CLCC1: variants seen among roughly 807,000 people sequenced by gnomAD.
The protein encoded by CLCC1 is chloride channel CLIC like 1.
A neutral mutation model predicts 63.3 loss-of-function variants in CLCC1; 39 were observed. That is an observed-to-expected ratio of 0.62 (90% CI 0.48 to 0.81). The LOEUF (loss-of-function observed/expected upper bound fraction) is 0.81. Among genes scored for constraint, CLCC1 ranks in the 30% least tolerant of loss-of-function variants. The pLI is 0.00. For missense variants in CLCC1, 549 were observed against 669.4 expected, an observed-to-expected ratio of 0.82 and a Z score of 1.98; for synonymous variants, 217 against 239.8, an observed-to-expected ratio of 0.90 and a Z score of 0.88.
intron 2 of CLCC1, among the ~76,000 whole-genome samples, chr1:108,957,628 A>G (rs1353181106): frequency 6.6e-6 from 1 of 151,584 alleles, no homozygotes; most frequent in Non-Finnish European, 1.5e-5. Flanking sequence ...GTCGGTAAGG[A>G]CAAGTGAAGA....
chr1:108,955,063 T>C (rs1024720745), intron 2 of CLCC1, among the ~76,000 whole-genome samples: 1 of 150,884 alleles, frequency 6.6e-6, no homozygotes, highest in African/African-American at 2.5e-5. Flanking sequence ...CATGTTGGTC[T>C]TGAACTCCCG....
intron 5 of CLCC1, among the ~76,000 whole-genome samples, chr1:108,945,664 GAC>G (rs1352285358): frequency 1.3e-5 from 2 of 152,166 alleles, no homozygotes; most frequent in African/African-American, 2.4e-5. Context: ...TTCATTTCCT[GAC>G]AGTTTTCAGA....
At position 108,962,463 on chromosome 1, in the gene CLCC1, A is replaced by C. The variant is rs541214575; in HGVS notation, c.-166T>G. 3 of 152,196 alleles carry C rather than the reference A, an allele frequency of 2.0e-5. No homozygotes were observed. The highest frequency in any genetic ancestry group is 6.5e-5 in the Admixed American group (1 of 15,280). The allele number at this position is 152,196 out of a possible 1,614,324, so 9.4% of individuals were successfully genotyped here. The stretch of plus-strand genomic sequence containing the variant: ...TTAACAATTTCCCAGATGACGATAA[A>C]GCTAGTCTGGGAAGAACACTTCATA... On this transcript the variant is annotated 5_prime_UTR_variant, in exon 2 of 13. Transcript: ENST00000369969.
intron 5 of CLCC1, among the ~76,000 whole-genome samples, chr1:108,945,307 T>C (rs1229752680): frequency 1.3e-5 from 2 of 152,136 alleles, no homozygotes; most frequent in African/African-American, 4.8e-5. Context: ...ATGATGCTGT[T>C]TAATGATTGG....
At chr1:108,954,625 G>C (rs1203791094) in intron 2 of CLCC1, among the ~76,000 whole-genome samples, 1 of 151,224 alleles carries the variant, frequency 6.6e-6, no homozygotes, top group African/African-American at 2.5e-5. Flanking sequence ...AAGAGTGGTG[G>C]CAAGAAAACC....
chr1:108,936,085 G>GTTTTTTTTTTTTTT (rs530980387), intron 11 of CLCC1, among the ~76,000 whole-genome samples: 1 of 88,108 alleles, frequency 1.1e-5, no homozygotes, highest in Admixed American at 1.5e-4. Context: ...ATCTTAAGTT[G>GTTTTTTTTTTTTTT]TTTTTTTTTT....
In CLCC1 at chr1:108,929,942, T is replaced by A; in HGVS notation, c.*2605A>T. 6.2e-7 allele frequency: 1 copy of A among 1,611,888 alleles called. No individual in the cohort carries two copies. Among genetic ancestry groups the A allele is most frequent in the Non-Finnish European group, 8.5e-7 (1 of 1,178,294 alleles). On this transcript the variant is annotated 3_prime_UTR_variant, in exon 13 of 13. Transcript: ENST00000369969. ...GGGAAAAAATCGGCAGACCATTAGT[T>A]ACTATGGATTTATTTTTTTTCCTTT... is the stretch of plus-strand genomic sequence containing the variant.
At chr1:108,953,226 A>G (rs752703903) in intron 2 of CLCC1, among the ~76,000 whole-genome samples, 1 of 152,230 alleles carries the variant, frequency 6.6e-6, no homozygotes. Flanking sequence ...AAATCACTCT[A>G]GGCTAAATTA....
chr1:108,931,726 G>GT lies in CLCC1; in HGVS notation c.*820dup, dbSNP rs1553218915. ...CCTGGATAGCATTTTAAAAACTCAG[G>GT]TAAGTTTCATGGGGTTCTTATAAGA... On this transcript the variant is annotated 3_prime_UTR_variant, in exon 13 of 13. Coordinates refer to ENST00000369969, the MANE Select transcript of CLCC1 (RefSeq NM_001377458.1). 2.9e-5 allele frequency: 11 copies of GT among 384,676 alleles called. No individual in the cohort carries two copies. The highest frequency in any genetic ancestry group is 4.5e-5 in the Non-Finnish European group (11 of 242,682). The allele number at this position is 384,676 out of a possible 1,614,324, so 23.8% of individuals were successfully genotyped here. A position where few individuals can be genotyped will look rare whatever the true frequency, so the allele number is the denominator to read the frequency against.
At chr1:108,934,983 G>C (rs536208791) in intron 11 of CLCC1, 41 bp from the exon 12 acceptor site, 3 of 1,536,578 alleles carry the variant, frequency 2.0e-6, no homozygotes, top group East Asian at 2.3e-5. Flanking sequence ...TTAATGTAAT[G>C]TGAAGTCTTA....
chr1:108,941,649 A>G, intron 7 of CLCC1, 151 bp from the exon 8 acceptor site: 1 of 465,432 alleles, frequency 2.1e-6, no homozygotes, highest in Non-Finnish European at 3.7e-6. Flanking sequence ...TATTATTATT[A>G]CTATTTTTTC....
rs1274318748 is a variant in CLCC1 at position 108,929,561 on chromosome 1, T to C, written c.*2986A>G. On this transcript the variant is annotated 3_prime_UTR_variant, in exon 13 of 13. Transcript: ENST00000369969. Reference sequence around the variant, plus strand: ...TCAGGCTGGGAACTAAAGAGAACAATATAAAAACAAAGATTAATTTCTGAG... The same window carrying C: ...TCAGGCTGGGAACTAAAGAGAACAACATAAAAACAAAGATTAATTTCTGAG... 9 of 740,184 alleles carry C rather than the reference T, an allele frequency of 1.2e-5. No homozygotes were observed. The East Asian group carries it at 1.9e-4, about 15-fold the overall frequency. The allele number at this position is 740,184 out of a possible 1,614,324, so 45.9% of individuals were successfully genotyped here.
chr1:108,952,120 T>G (rs1655258318), intron 2 of CLCC1, among the ~76,000 whole-genome samples: 1 of 151,568 alleles, frequency 6.6e-6, no homozygotes, highest in South Asian at 2.1e-4. Flanking sequence ...GTATGTGATT[T>G]ATAGCTCAAT....
chr1:108,935,495 G>A (rs1652770337), intron 11 of CLCC1, among the ~76,000 whole-genome samples: 1 of 152,194 alleles, frequency 6.6e-6, no homozygotes, highest in Non-Finnish European at 1.5e-5. Context: ...GGTTAGGCAT[G>A]GTGGCTCACA....
At chr1:108,955,242 AAAAAAC>A (rs913859718) in intron 2 of CLCC1, among the ~76,000 whole-genome samples, 151 of 151,592 alleles carry the variant, frequency 1.0e-3, no homozygotes, top group Non-Finnish European at 4.3e-4. Context: ...TAAGTTGGCA[AAAAAAC>A]AAAAACAAAA....
chr1:108,931,608 A>G lies in CLCC1; in HGVS notation c.*939T>C, dbSNP rs1651986227. On this transcript the variant is annotated 3_prime_UTR_variant, in exon 13 of 13. Coordinates refer to ENST00000369969, the MANE Select transcript of CLCC1 (RefSeq NM_001377458.1). ...TTTTTAAGAGTCATAACCTGGAATT[A>G]ATTACATTAAGTGCTCAGCTAAAAA... The G allele has an allele frequency of 7.8e-7, 1 of 1,286,376 alleles. No homozygotes were observed. 79.7% of individuals were successfully genotyped at this position (1,286,376 alleles called of 1,614,324 possible). A position where few individuals can be genotyped will look rare whatever the true frequency, so the allele number is the denominator to read the frequency against.
intron 5 of CLCC1, among the ~76,000 whole-genome samples, chr1:108,946,100 G>A (rs972640806): frequency 6.6e-6 from 1 of 152,174 alleles, no homozygotes; most frequent in African/African-American, 2.4e-5. Context: ...CACGAGGTCA[G>A]GAGATCAAGA....
At chr1:108,937,026 A>G in intron 11 of CLCC1, 51 bp downstream of exon 11, 1 of 1,322,188 alleles carries the variant, frequency 7.6e-7, no homozygotes, top group Non-Finnish European at 1.0e-6. Flanking sequence ...TTCCAGAAGG[A>G]TTTAGAACCA....
rs768201342 is a variant in CLCC1, at chr1:108,950,455, C to T, written c.-11-7G>A. Reference sequence around the variant, plus strand: ...CACAGCATCCTGTATAAGGCTAAAACAATTTTTAATATATATAATGAAATA... The same window carrying T: ...CACAGCATCCTGTATAAGGCTAAAATAATTTTTAATATATATAATGAAATA... On this transcript the variant is annotated splice_region_variant and splice_polypyrimidine_tract_variant and intron_variant, in intron 2 of 12. Coordinates refer to ENST00000369969, the MANE Select transcript of CLCC1 (RefSeq NM_001377458.1). 5.3e-6 allele frequency: 8 copies of T among 1,499,404 alleles called. No individual in the cohort carries two copies. The South Asian group carries it at 5.6e-5, about 10-fold the overall frequency. The allele number at this position is 1,499,404 out of a possible 1,614,324, so 92.9% of individuals were successfully genotyped here.
Sources: gnomAD v4.1 joint callset for allele counts (sites outside exome capture counted in the v4.1 genomes callset) on GRCh38, gnomAD v4.1.1 for gene constraint, MANE v1.5 for transcripts, NCBI Gene and HGNC (gene_info 2026-07-23, HGNC 2026-07-21) for gene names.